The following TFAP2D variants were observed in gnomAD, a reference collection of about 807,000 sequenced individuals.
TFAP2D encodes the protein transcription factor AP-2-delta.
A neutral mutation model predicts 43.6 loss-of-function variants in TFAP2D; 9 were observed. The observed-to-expected ratio is 0.21, with a 90% CI of 0.12 to 0.36. The LOEUF (loss-of-function observed/expected upper bound fraction) is 0.36, where lower values mean the gene tolerates loss of function less well. Among genes scored for constraint, TFAP2D ranks in the 10% least tolerant of loss-of-function variants. The probability of loss-of-function intolerance (pLI) is 1.00; values close to 1 mark genes in which losing one functional copy is unlikely to be tolerated. For missense variants in TFAP2D, 513 were observed against 561.4 expected, an observed-to-expected ratio of 0.91 and a Z score of 0.87; for synonymous variants, 256 against 224.9, an observed-to-expected ratio of 1.14 and a Z score of -1.24.
At chr6:50,755,503 T>C (rs1284868550) in intron 7 of TFAP2D, among the ~76,000 whole-genome samples, 1 of 151,862 alleles carries the variant, frequency 6.6e-6, no homozygotes, top group African/African-American at 2.4e-5. Flanking sequence ...GTTCTAGGGC[T>C]GGACTCAGGT....
intron 7 of TFAP2D, among the ~76,000 whole-genome samples, chr6:50,755,183 T>C (rs1028178612): frequency 6.6e-6 from 1 of 152,026 alleles, no homozygotes; most frequent in Non-Finnish European, 1.5e-5. Flanking sequence ...TCTTAAATTT[T>C]ATCATTTTAA....
At chr6:50,750,082 A>C (rs569506612) in intron 6 of TFAP2D, among the ~76,000 whole-genome samples, 1 of 152,078 alleles carries the variant, frequency 6.6e-6, no homozygotes, top group Admixed American at 6.6e-5. Context: ...CTGATTAAGA[A>C]GTCCCCACTG....
intron 5 of TFAP2D, among the ~76,000 whole-genome samples, chr6:50,738,686 A>T (rs1263812169): frequency 6.6e-6 from 1 of 152,286 alleles, no homozygotes; most frequent in East Asian, 1.9e-4. Context: ...TTCATCTTAT[A>T]TTAAATCACC....
At chr6:50,741,808 T>C (rs1312666159) in intron 5 of TFAP2D, among the ~76,000 whole-genome samples, 1 of 151,450 alleles carries the variant, frequency 6.6e-6, no homozygotes, top group East Asian at 1.9e-4. Context: ...GTTCTACTTC[T>C]CTCCCAGGAG....
intron 5 of TFAP2D, among the ~76,000 whole-genome samples, chr6:50,737,227 C>T (rs1212327946): frequency 1.3e-5 from 2 of 152,138 alleles, no homozygotes; most frequent in African/African-American, 2.4e-5. Flanking sequence ...CCGCCTTGGC[C>T]TCCCAAAGGC....
At chr6:50,763,395 C>T (rs989232712) in intron 7 of TFAP2D, among the ~76,000 whole-genome samples, 1 of 152,088 alleles carries the variant, frequency 6.6e-6, no homozygotes, top group East Asian at 1.9e-4. Flanking sequence ...CCTTACTTTG[C>T]TGTTATCTAG....
At chr6:50,772,032 C>T (rs950749152) in intron 7 of TFAP2D, among the ~76,000 whole-genome samples, 1 of 152,102 alleles carries the variant, frequency 6.6e-6, no homozygotes, top group Non-Finnish European at 1.5e-5. Context: ...GAAAATGTGG[C>T]ACATATACAC....
intron 5 of TFAP2D, among the ~76,000 whole-genome samples, chr6:50,732,716 A>G (rs1460187891): frequency 6.6e-6 from 1 of 152,044 alleles, no homozygotes; most frequent in African/African-American, 2.4e-5. Flanking sequence ...AGAGCCAATC[A>G]ATGAACATAA....
At chr6:50,733,746 A>T (rs1050740611) in intron 5 of TFAP2D, among the ~76,000 whole-genome samples, 2 of 152,044 alleles carry the variant, frequency 1.3e-5, no homozygotes, top group Non-Finnish European at 1.5e-5. Flanking sequence ...CTCCCTTCTT[A>T]TCTAGGAAGT....
chr6:50,768,235 G>A (rs1286471975), intron 7 of TFAP2D, among the ~76,000 whole-genome samples: 2 of 103,392 alleles, frequency 1.9e-5, no homozygotes, highest in African/African-American at 7.5e-5. Flanking sequence ...TTTTTTTCCT[G>A]TCTAGGATCA....
chr6:50,755,579 G>A (rs145464890), intron 7 of TFAP2D, among the ~76,000 whole-genome samples: 13 of 152,048 alleles, frequency 8.5e-5, no homozygotes, highest in East Asian at 3.9e-4. Flanking sequence ...ACAGTTCTAC[G>A]ATATTCCGTA....
intron 7 of TFAP2D, among the ~76,000 whole-genome samples, chr6:50,766,118 A>G (rs143872334): frequency 1.1e-3 from 173 of 152,320 alleles, no homozygotes; most frequent in Admixed American, 8.0e-3. Flanking sequence ...TTTATTGAAG[A>G]GACCATCCTT....
intron 7 of TFAP2D, among the ~76,000 whole-genome samples, chr6:50,772,042 C>A (rs1484422752): frequency 2.6e-5 from 4 of 152,128 alleles, no homozygotes; most frequent in Non-Finnish European, 5.9e-5. Context: ...CACATATACA[C>A]CATGGAATAC....
At chr6:50,734,457 C>G (rs904522073) in intron 5 of TFAP2D, among the ~76,000 whole-genome samples, 2 of 152,100 alleles carry the variant, frequency 1.3e-5, no homozygotes. Flanking sequence ...ATTTCTCACT[C>G]ATCGCAGTCT....
chr6:50,761,003 C>A (rs1769354447), intron 7 of TFAP2D, among the ~76,000 whole-genome samples: 2 of 150,790 alleles, frequency 1.3e-5, no homozygotes, highest in Admixed American at 6.7e-5. Flanking sequence ...TGGACCTAAG[C>A]CTGTGGTAAC....
chr6:50,757,425 A>G (rs1273695725), intron 7 of TFAP2D, among the ~76,000 whole-genome samples: 1 of 106,778 alleles, frequency 9.4e-6, no homozygotes, highest in Admixed American at 1.1e-4. Flanking sequence ...TCTATATAGA[A>G]TATATATAGA....
At chr6:50,763,000 C>T (rs1475481773) in intron 7 of TFAP2D, among the ~76,000 whole-genome samples, 2 of 152,092 alleles carry the variant, frequency 1.3e-5, no homozygotes, top group East Asian at 1.9e-4. Context: ...TTTCGTAAAG[C>T]TCTTTCCTAT....
At chr6:50,738,566 A>C (rs1768993972) in intron 5 of TFAP2D, among the ~76,000 whole-genome samples, 1 of 152,186 alleles carries the variant, frequency 6.6e-6, no homozygotes, top group South Asian at 2.1e-4. Context: ...TTCATGGCCA[A>C]ATGTATGCTA....
At chr6:50,729,898 T>C (rs1768861088) in intron 5 of TFAP2D, among the ~76,000 whole-genome samples, 1 of 152,138 alleles carries the variant, frequency 6.6e-6, no homozygotes, top group African/African-American at 2.4e-5. Flanking sequence ...TTCCCAGAAG[T>C]TGTTTTATTT....
Sources: gnomAD v4.1 joint callset for allele counts (sites outside exome capture counted in the v4.1 genomes callset) on GRCh38, gnomAD v4.1.1 for gene constraint, MANE v1.5 for transcripts, NCBI Gene and HGNC (gene_info 2026-07-23, HGNC 2026-07-21) for gene names.